The following CDC42BPA variants were observed in gnomAD, a reference collection of about 807,000 sequenced individuals.
CDC42BPA encodes the protein serine/threonine-protein kinase MRCK alpha.
CDC42BPA carries 80 observed loss-of-function variants against 223.5 expected under a neutral mutation model. The ratio of observed to expected loss-of-function variants is 0.36; its 90% CI spans 0.30 to 0.43. The LOEUF is 0.43. Among genes scored for constraint, CDC42BPA ranks in the 20% least tolerant of loss-of-function variants. The pLI is 1.00. For missense variants in CDC42BPA, 1,743 were observed against 2,099.9 expected (o/e 0.83, Z 3.32); for synonymous variants, 694 against 718.6 (o/e 0.97, Z 0.55).
At chr1:227,195,221 G>GC (rs1259877421) in intron 4 of CDC42BPA, among the ~76,000 whole-genome samples, 1 of 152,140 alleles carries the variant, frequency 6.6e-6, no homozygotes. Flanking sequence ...TTGAGACAGA[G>GC]TCTTGCTCTG....
intron 3 of CDC42BPA, among the ~76,000 whole-genome samples, chr1:227,201,036 T>A (rs545265643): frequency 9.2e-5 from 14 of 152,384 alleles, no homozygotes; most frequent in Non-Finnish European, 1.8e-4. Flanking sequence ...TGGATTGTTT[T>A]TTCAAATTGA....
chr1:227,092,120 A>C (rs1683185120), intron 15 of CDC42BPA, 129 bp from the exon 16 acceptor site: 1 of 575,202 alleles, frequency 1.7e-6, no homozygotes, highest in African/African-American at 1.9e-5. Flanking sequence ...GTCCCCATAG[A>C]ATACAGCTTG....
rs1211204936 is a variant in CDC42BPA at position 227,220,301 on chromosome 1, TATATATATATAC to T, written c.271-7094_271-7083del. Among the ~76,000 whole-genome samples the T allele has an allele frequency of 3.6e-4, 27 of 74,652 alleles. 1 individual carries two copies. The highest frequency in any genetic ancestry group is 8.2e-4 in the African/African-American group (13 of 15,854). 49.0% of individuals were successfully genotyped at this position (74,652 alleles called of 152,430 possible). A position where few individuals can be genotyped will look rare whatever the true frequency, so the allele number is the denominator to read the frequency against. On this transcript the variant is annotated intron_variant, in intron 2 of 36. Transcript: ENST00000366766. The stretch of plus-strand genomic sequence containing the variant: ...GTCATGTTATATATATATATATATA[TATATATATATAC>T]ACACACACACACACATACATATATG...
rs371876083 is a variant in CDC42BPA, at chr1:227,233,317, A to T, written c.271-20098T>A. On this transcript the variant is annotated intron_variant, in intron 2 of 36. Coordinates refer to ENST00000366766, the MANE Select transcript of CDC42BPA (RefSeq NM_001394014.1). The stretch of plus-strand genomic sequence containing the variant: ...CTCCCAAAGTGCTAGGATTACAGGC[A>T]TGAGCCACCACGCCCGGCCTCTATT... Among the ~76,000 whole-genome samples the T allele has an allele frequency of 1.2e-4, 19 of 152,230 alleles. No homozygotes were observed. The South Asian group carries it at 3.5e-3, about 28-fold the overall frequency.
intron 17 of CDC42BPA, among the ~76,000 whole-genome samples, chr1:227,075,512 G>T (rs796096821): frequency 2.0e-5 from 3 of 152,254 alleles, no homozygotes; most frequent in African/African-American, 7.2e-5. Flanking sequence ...TAAAACCATG[G>T]TAAGGGACAG....
chr1:227,129,009 C>T, intron 11 of CDC42BPA, 100 bp downstream of exon 11: 1 of 799,082 alleles, frequency 1.3e-6, no homozygotes, highest in South Asian at 1.8e-5. Context: ...CAACTCACAT[C>T]ACATAACACA....
At chr1:227,207,622 T>G (rs1006792282) in intron 3 of CDC42BPA, among the ~76,000 whole-genome samples, 31 of 150,952 alleles carry the variant, frequency 2.1e-4, no homozygotes, top group Admixed American at 4.0e-4. Context: ...GGTGTTTGGT[T>G]TTTTGTTCTT....
intron 3 of CDC42BPA, among the ~76,000 whole-genome samples, chr1:227,210,759 C>T (rs2150347286): frequency 6.6e-6 from 1 of 152,274 alleles, no homozygotes. Flanking sequence ...TAATTATTTA[C>T]TCTTTTGTAA....
Position 227,101,062 on chromosome 1 carries a change from C to T in CDC42BPA, c.2179G>A (p.Gly727Ser), listed in dbSNP as rs780550201. The change falls in exon 15 of 37, where the codon GGT becomes AGT. Residue 727 changes from glycine (G) to serine (S), a missense_variant. Gly to Ser is a moderately conservative substitution (Grantham distance 56). This residue lies in a region of CDC42BPA where 464 missense variants were observed against 488.0 expected (regional missense o/e 0.95). Coordinates refer to ENST00000366766, the MANE Select transcript of CDC42BPA (RefSeq NM_001394014.1). ...NLKKELHDSE[G>S]QQLALNKEIM... ...TCTTTGTTGAGAGCAAGTTGCTGAC[C>T]TTCTGAATCATGCAGTTCTTTCTTA... is the stretch of plus-strand genomic sequence containing the variant. The T allele has an allele frequency of 6.4e-7, 1 of 1,573,596 alleles. No homozygotes were observed. The highest frequency in any genetic ancestry group is 1.1e-5 in the South Asian group (1 of 89,800).
chr1:227,253,647 C>CATT (rs1682549564), intron 2 of CDC42BPA, among the ~76,000 whole-genome samples: 1 of 114,100 alleles, frequency 8.8e-6, no homozygotes, highest in South Asian at 2.3e-4. Flanking sequence ...TACATACATA[C>CATT]ATTCATACAT....
chr1:227,253,212 G>A (rs1161125269), intron 2 of CDC42BPA, among the ~76,000 whole-genome samples: 1 of 151,668 alleles, frequency 6.6e-6, no homozygotes, highest in African/African-American at 2.4e-5. Flanking sequence ...AGAGAAGAGA[G>A]AGGAGAGAGA....
intron 35 of CDC42BPA, among the ~76,000 whole-genome samples, chr1:227,001,040 C>T (rs1267860102): frequency 1.3e-5 from 2 of 152,176 alleles, no homozygotes; most frequent in Non-Finnish European, 2.9e-5. Flanking sequence ...GCCCCTACTG[C>T]TGACAGGAGC....
chr1:227,103,138 GTC>G (rs923622966), intron 14 of CDC42BPA, among the ~76,000 whole-genome samples: 40 of 152,046 alleles, frequency 2.6e-4, no homozygotes, highest in African/African-American at 9.4e-4. Flanking sequence ...ATATAAAATT[GTC>G]TCTCTGACCA....
At chr1:227,048,586 T>C (rs540809250) in intron 22 of CDC42BPA, among the ~76,000 whole-genome samples, 3 of 151,706 alleles carry the variant, frequency 2.0e-5, no homozygotes, top group Non-Finnish European at 4.4e-5. Context: ...CTGACTTTAA[T>C]ACAAATTTAG....
At chr1:227,126,905 C>T (rs1450989992) in intron 11 of CDC42BPA, among the ~76,000 whole-genome samples, 1 of 152,050 alleles carries the variant, frequency 6.6e-6, no homozygotes, top group Admixed American at 6.6e-5. Flanking sequence ...TAACACAGTG[C>T]TGCAAGTTCT....
At chr1:227,113,589 C>G (rs1432267279) in intron 12 of CDC42BPA, among the ~76,000 whole-genome samples, 1 of 151,654 alleles carries the variant, frequency 6.6e-6, no homozygotes, top group Non-Finnish European at 1.5e-5. Flanking sequence ...CATTAGATAT[C>G]AACACAAAAT....
At chr1:227,132,677 G>C (rs1240298823) in intron 10 of CDC42BPA, among the ~76,000 whole-genome samples, 3 of 150,808 alleles carry the variant, frequency 2.0e-5, no homozygotes, top group Non-Finnish European at 4.4e-5. Context: ...ATCCCATCTA[G>C]GAAGTGAGGA....
chr1:227,088,086 G>A (rs956507061), intron 16 of CDC42BPA, among the ~76,000 whole-genome samples: 7 of 152,136 alleles, frequency 4.6e-5, no homozygotes, highest in East Asian at 1.9e-4. Context: ...GTTAATCTTT[G>A]CATTATTACC....
intron 15 of CDC42BPA, among the ~76,000 whole-genome samples, chr1:227,100,030 C>T (rs1265866986): frequency 6.6e-6 from 1 of 152,060 alleles, no homozygotes; most frequent in African/African-American, 2.4e-5. Flanking sequence ...ATAAATGCAC[C>T]AAATTGAATA....
Sources: allele counts gnomAD v4.1 joint callset (sites outside exome capture counted in the v4.1 genomes callset), GRCh38; gene constraint gnomAD v4.1.1; regional missense constraint gnomAD v4.1.1; transcripts MANE v1.5; gene names NCBI Gene and HGNC (gene_info 2026-07-23, HGNC 2026-07-21).